DCAF6: variants seen among roughly 807,000 people sequenced by gnomAD.
DCAF6 encodes DDB1 and CUL4 associated factor 6, also known as DDB1- and CUL4-associated factor 6.
DCAF6 carries 54 observed loss-of-function variants against 125.1 expected under a neutral mutation model. That is an observed-to-expected ratio of 0.43 (90% CI 0.35 to 0.54). The LOEUF (loss-of-function observed/expected upper bound fraction) is 0.54. Ranked by LOEUF, DCAF6 falls within the 20% of genes least tolerant of loss-of-function variation. DCAF6 has a pLI of 0.01. For missense variants in DCAF6, 934 were observed against 1,161.7 expected (o/e 0.80, Z 2.85); for synonymous variants, 371 against 390.4 (o/e 0.95, Z 0.58).
intron 3 of DCAF6, among the ~76,000 whole-genome samples, chr1:167,972,953 A>G (rs1677559675): frequency 6.6e-6 from 1 of 152,210 alleles, no homozygotes; most frequent in South Asian, 2.1e-4. Flanking sequence ...TGAAATTATA[A>G]ATAAACCTCT....
the DCAF6 span, among the ~76,000 whole-genome samples, chr1:167,875,721 T>A: frequency 1.3e-5 from 2 of 150,998 alleles, no homozygotes; most frequent in Non-Finnish European, 3.0e-5. Context: ...GAGGCCGAGG[T>A]GGGCAGATCA....
At chr1:167,865,354 GA>G in the DCAF6 span, among the ~76,000 whole-genome samples, 2 of 152,152 alleles carry the variant, frequency 1.3e-5, no homozygotes, top group African/African-American at 4.8e-5. Context: ...GTTTTTCTGT[GA>G]ACTGGACATT....
At chr1:167,899,317 T>G in the DCAF6 span, 1 of 1,155,334 alleles carries the variant, frequency 8.7e-7, no homozygotes, top group Non-Finnish European at 1.3e-6. Flanking sequence ...CATCCCAATC[T>G]CCAGCCCAGG....
At chr1:168,032,260 T>C (rs1687199405) in intron 12 of DCAF6, among the ~76,000 whole-genome samples, 1 of 152,248 alleles carries the variant, frequency 6.6e-6, no homozygotes, top group Non-Finnish European at 1.5e-5. Flanking sequence ...GTGTAAGCAC[T>C]CAATTTTTAG....
chr1:167,971,283 A>T (rs1677262980), intron 3 of DCAF6, among the ~76,000 whole-genome samples: 1 of 152,220 alleles, frequency 6.6e-6, no homozygotes, highest in South Asian at 2.1e-4. Context: ...CTCTATTATT[A>T]TATTGTATTA....
the DCAF6 span, among the ~76,000 whole-genome samples, chr1:167,864,598 GGA>G: frequency 4.6e-5 from 7 of 150,916 alleles, no homozygotes; most frequent in Non-Finnish European, 7.4e-5. Context: ...AGAGAGAGAG[GGA>G]GAGAGAGAGA....
chr1:168,012,600 C>T (rs1032068849), intron 10 of DCAF6, among the ~76,000 whole-genome samples: 2 of 152,106 alleles, frequency 1.3e-5, no homozygotes, highest in Admixed American at 1.3e-4. Context: ...TGTATGTTGA[C>T]TGCTTTAAAA....
intron 4 of DCAF6, among the ~76,000 whole-genome samples, chr1:167,985,226 G>GGT (rs942717091): frequency 2.6e-5 from 4 of 151,024 alleles, no homozygotes; most frequent in African/African-American, 7.3e-5. Context: ...GTGTGTGTGT[G>GGT]GTGTGTGTGT....
upstream of DCAF6, among the ~76,000 whole-genome samples, chr1:167,933,017 C>T (rs1670955182): frequency 6.6e-6 from 1 of 151,956 alleles, no homozygotes. Flanking sequence ...ACACATTTGG[C>T]TAGAACTCTA....
chr1:167,870,269 C>T, the DCAF6 span: 1 of 1,614,088 alleles, frequency 6.2e-7, no homozygotes, highest in Non-Finnish European at 8.5e-7. Context: ...GTGATTCTTA[C>T]CTTGGGCCAG....
At position 168,012,187 on chromosome 1, in the gene DCAF6, G is replaced by A. The variant is rs952752999; in HGVS notation, c.1379-3594G>A. On this transcript the variant is annotated intron_variant, in intron 10 of 21. Transcript: ENST00000367840. ...AGGCAGATAAAGTGCCACCAAATTAGATATAAAAATGATCCAGAGTCCAGG... is the reference window on the plus strand; with the variant it reads ...AGGCAGATAAAGTGCCACCAAATTAAATATAAAAATGATCCAGAGTCCAGG... Among the ~76,000 whole-genome samples the A allele has an allele frequency of 5.3e-5, 8 of 152,270 alleles. No homozygotes were observed. In the South Asian group the frequency reaches 1.2e-3, roughly 24 times the overall value.
chr1:168,044,434 A>C (rs1558021191), intron 14 of DCAF6, 151 bp from the exon 15 acceptor site: 1 of 605,446 alleles, frequency 1.7e-6, no homozygotes, highest in African/African-American at 1.9e-5. Context: ...GATAATTTAC[A>C]GTATAAGGAA....
chr1:167,996,455 A>G (rs536729267), intron 7 of DCAF6, among the ~76,000 whole-genome samples: 1 of 152,272 alleles, frequency 6.6e-6, no homozygotes, highest in East Asian at 1.9e-4. Context: ...GATCCGAGCT[A>G]TCAGCATCTC....
At chr1:167,915,585 G>A in the DCAF6 span, among the ~76,000 whole-genome samples, 1 of 152,052 alleles carries the variant, frequency 6.6e-6, no homozygotes, top group South Asian at 2.1e-4. Context: ...CAAGTAGCTC[G>A]GATTACAGGC....
At chr1:168,019,210 G>A (rs75235967) in intron 11 of DCAF6, among the ~76,000 whole-genome samples, 2,449 of 152,082 alleles carry the variant, frequency 0.016, 25 homozygotes, top group East Asian at 0.061. Flanking sequence ...CACTATGCCC[G>A]GCTAATTTTT....
chr1:167,982,108 AT>A (rs1411266684), intron 4 of DCAF6, among the ~76,000 whole-genome samples: 1 of 152,008 alleles, frequency 6.6e-6, no homozygotes, highest in Non-Finnish European at 1.5e-5. Context: ...TTTGATTTGC[AT>A]TTCTCTGAGA....
intron 2 of DCAF6, among the ~76,000 whole-genome samples, chr1:167,958,069 A>G (rs1290594415): frequency 6.6e-6 from 1 of 152,088 alleles, no homozygotes; most frequent in African/African-American, 2.4e-5. Flanking sequence ...ATGATTTGCA[A>G]ATATTTCCCT....
At chr1:167,918,201 T>C in the DCAF6 span, 2 of 686,576 alleles carry the variant, frequency 2.9e-6, no homozygotes, top group Non-Finnish European at 2.4e-6. Flanking sequence ...AATCAAGAAC[T>C]AGCTACCAGT....
chr1:167,891,808 A>G, the DCAF6 span, among the ~76,000 whole-genome samples: 2 of 152,206 alleles, frequency 1.3e-5, no homozygotes, highest in African/African-American at 4.8e-5. Flanking sequence ...CAGATTCTTC[A>G]ACGACAATGT....
Sources: gnomAD v4.1 joint callset for allele counts (sites outside exome capture counted in the v4.1 genomes callset) on GRCh38, gnomAD v4.1.1 for gene constraint, MANE v1.5 for transcripts, NCBI Gene and HGNC (gene_info 2026-07-23, HGNC 2026-07-21) for gene names.